Variants in TRPC6 observed in about 807,000 individuals in gnomAD.
The protein encoded by TRPC6 is transient receptor potential cation channel subfamily C member 6.
Under a neutral mutation model 90.7 loss-of-function variants are expected in TRPC6, and 55 were observed. The ratio of observed to expected loss-of-function variants is 0.61; its 90% confidence interval spans 0.49 to 0.76. TRPC6 has a LOEUF of 0.76. Ranked by LOEUF, TRPC6 falls within the 30% of genes least tolerant of loss-of-function variation. TRPC6 has a pLI of 0.00. For missense variants in TRPC6, 989 were observed against 1,122.7 expected (o/e 0.88, Z 1.70); for synonymous variants, 393 against 393.0 (o/e 1.00, Z 0.00).
chr11:101,484,567 T>G lies in TRPC6; in HGVS notation c.1294-1402A>C, dbSNP rs149058069. On this transcript the variant is annotated intron_variant, in intron 4 of 12. Transcript: ENST00000344327. ...CCAGACACAGAATATCAGGAGATAT[T>G]GTATTGTATCTCTCTCTCTCTCATG... Among the ~76,000 whole-genome samples the G allele has an allele frequency of 6.1e-3, 803 of 130,674 alleles. 4 individuals are homozygous for G. The highest frequency in any genetic ancestry group is 0.026 in the African/African-American group (765 of 29,852). The allele number at this position is 130,674 out of a possible 152,430, so 85.7% of individuals were successfully genotyped here.
intron 1 of TRPC6, among the ~76,000 whole-genome samples, chr11:101,549,774 C>T (rs1269492862): frequency 6.6e-6 from 1 of 150,992 alleles, no homozygotes; most frequent in Admixed American, 6.6e-5. Context: ...TGAGAAAGAA[C>T]TATTATGGCC....
chr11:101,527,201 C>A (rs755706038), intron 1 of TRPC6, among the ~76,000 whole-genome samples: 7 of 152,112 alleles, frequency 4.6e-5, no homozygotes, highest in Admixed American at 1.3e-4. Context: ...AATGTATACA[C>A]CCTGTTAAAT....
intron 1 of TRPC6, among the ~76,000 whole-genome samples, chr11:101,508,447 G>A (rs764486012): frequency 1.8e-4 from 28 of 152,098 alleles, no homozygotes; most frequent in South Asian, 1.0e-3. Flanking sequence ...AGATGGATGA[G>A]GTAGAAGAGA....
chr11:101,518,975 G>T (rs1860585889), intron 1 of TRPC6, among the ~76,000 whole-genome samples: 1 of 152,134 alleles, frequency 6.6e-6, no homozygotes, highest in African/African-American at 2.4e-5. Flanking sequence ...ACTCATCTGT[G>T]GGAGCTAAAA....
chr11:101,556,425 A>G (rs1861561579), intron 1 of TRPC6, among the ~76,000 whole-genome samples: 1 of 152,180 alleles, frequency 6.6e-6, no homozygotes, highest in African/African-American at 2.4e-5. Flanking sequence ...AGATTACTAG[A>G]AACAATTATA....
chr11:101,461,648 C>T (rs1859008049), intron 10 of TRPC6, among the ~76,000 whole-genome samples: 1 of 152,188 alleles, frequency 6.6e-6, no homozygotes, highest in Admixed American at 6.5e-5. Context: ...CTTTCAGTAA[C>T]ATTTTCCCCT....
intron 1 of TRPC6, among the ~76,000 whole-genome samples, chr11:101,542,609 T>G: frequency 6.9e-6 from 1 of 144,914 alleles, no homozygotes; most frequent in East Asian, 2.0e-4. Context: ...GCTACAGCAT[T>G]AAAAAAAAAA....
chr11:101,464,343 A>G (rs1228961010), intron 10 of TRPC6, among the ~76,000 whole-genome samples: 6 of 151,928 alleles, frequency 3.9e-5, no homozygotes, highest in Non-Finnish European at 1.5e-5. Flanking sequence ...AGTCCCTAAT[A>G]TCTTTAATTT....
Position 101,485,049 on chromosome 11 carries a change from A to AT in TRPC6, c.1294-1885dup, listed in dbSNP as rs538707620. ...TCTGTACCTGTTCAACACAGACACA[A>AT]TTTTTTTCAAATGTTTTCAATCTGC... On this transcript the variant is annotated intron_variant, in intron 4 of 12. Transcript: ENST00000344327. 5.3e-3 allele frequency among the ~76,000 whole-genome samples: 810 copies of AT among 151,680 alleles called. 3 individuals are homozygous for AT. The highest frequency in any genetic ancestry group is 0.019 in the African/African-American group (771 of 41,312).
At chr11:101,534,467 A>G (rs1860988435) in intron 1 of TRPC6, among the ~76,000 whole-genome samples, 1 of 152,042 alleles carries the variant, frequency 6.6e-6, no homozygotes. Context: ...CTGTACTACT[A>G]CTGCCCACAC....
At chr11:101,461,238 C>G (rs1297672560) in intron 10 of TRPC6, among the ~76,000 whole-genome samples, 1 of 152,178 alleles carries the variant, frequency 6.6e-6, no homozygotes, top group Non-Finnish European at 1.5e-5. Flanking sequence ...TTCACACAAA[C>G]AAAAGAATTT....
chr11:101,540,575 C>T (rs1861145788), intron 1 of TRPC6, among the ~76,000 whole-genome samples: 1 of 152,098 alleles, frequency 6.6e-6, no homozygotes, highest in African/African-American at 2.4e-5. Context: ...TCCAAGGCAA[C>T]TCAATGTATA....
At chr11:101,574,619 G>A (rs1439936763) in intron 1 of TRPC6, among the ~76,000 whole-genome samples, 2 of 151,070 alleles carry the variant, frequency 1.3e-5, no homozygotes, top group Non-Finnish European at 2.9e-5. Flanking sequence ...AAGGGTTCCT[G>A]CAGAAATCCC....
At chr11:101,465,826 C>T (rs1466016090) in intron 10 of TRPC6, among the ~76,000 whole-genome samples, 1 of 152,104 alleles carries the variant, frequency 6.6e-6, no homozygotes, top group African/African-American at 2.4e-5. Context: ...TGGTTTTGTT[C>T]CCTTGGTGGT....
intron 1 of TRPC6, among the ~76,000 whole-genome samples, chr11:101,556,070 C>A (rs1446703468): frequency 6.6e-6 from 1 of 152,062 alleles, no homozygotes; most frequent in African/African-American, 2.4e-5. Context: ...GCAGCAAAAG[C>A]AGTTCTAAGA....
intron 10 of TRPC6, among the ~76,000 whole-genome samples, chr11:101,463,460 G>A (rs779105556): frequency 2.0e-5 from 3 of 152,058 alleles, no homozygotes; most frequent in Non-Finnish European, 4.4e-5. Flanking sequence ...TGGTTGGTAC[G>A]CTATTATTAC....
intron 1 of TRPC6, among the ~76,000 whole-genome samples, chr11:101,579,870 A>G (rs913887129): frequency 4.6e-5 from 7 of 152,282 alleles, no homozygotes; most frequent in African/African-American, 1.4e-4. Context: ...TCATATGGAC[A>G]TCAGATTCCA....
At chr11:101,523,989 A>G (rs1860718740) in intron 1 of TRPC6, among the ~76,000 whole-genome samples, 1 of 152,134 alleles carries the variant, frequency 6.6e-6, no homozygotes, top group South Asian at 2.1e-4. Context: ...ATGGCTGTTA[A>G]TTTAGGAGGC....
chr11:101,506,176 A>G lies in TRPC6; in HGVS notation c.171-1378T>C, dbSNP rs34875945. Among the ~76,000 whole-genome samples, 592 of 148,642 alleles carry G rather than the reference A, an allele frequency of 4.0e-3. 1 individual carries two copies. The highest frequency in any genetic ancestry group is 0.02 in the Middle Eastern group (6 of 294). On this transcript the variant is annotated intron_variant, in intron 1 of 12. Coordinates refer to ENST00000344327, the MANE Select transcript of TRPC6 (RefSeq NM_004621.6). ...AGGTTCAACTCTTACCAGTATCACT[A>G]ACTGAACCCAAAGAAGGCATGTTTT...
Sources: gnomAD v4.1 joint callset for allele counts (sites outside exome capture counted in the v4.1 genomes callset) on GRCh38, gnomAD v4.1.1 for gene constraint, MANE v1.5 for transcripts, NCBI Gene and HGNC (gene_info 2026-07-23, HGNC 2026-07-21) for gene names.